The following SPAG16 variants were observed in gnomAD, a reference collection of about 807,000 sequenced individuals.
The protein encoded by SPAG16 is sperm-associated antigen 16 protein.
In SPAG16, 86 loss-of-function variants were observed where a neutral mutation model predicts 80.4. The ratio of observed to expected loss-of-function variants is 1.07; its 90% CI spans 0.90 to 1.28. The LOEUF (loss-of-function observed/expected upper bound fraction) is 1.28. SPAG16 is among the 50% of genes most tolerant of loss of function. The probability of loss-of-function intolerance (pLI) is 0.00; values close to 1 mark genes in which losing one functional copy is unlikely to be tolerated. For missense variants in SPAG16, 870 were observed against 765.3 expected (o/e 1.14, Z -1.61); for synonymous variants, 294 against 265.9 (o/e 1.11, Z -1.03).
At chr2:213,422,788 ATTAGCCCTGT>A (rs1352187132) in intron 9 of SPAG16, among the ~76,000 whole-genome samples, 1 of 152,228 alleles carries the variant, frequency 6.6e-6, no homozygotes, top group African/African-American at 2.4e-5. Context: ...TAGATGAAGG[ATTAGCCCTGT>A]TGCTACCATT....
chr2:213,435,941 A>G (rs1352333139), intron 9 of SPAG16, among the ~76,000 whole-genome samples: 1 of 152,182 alleles, frequency 6.6e-6, no homozygotes, highest in Non-Finnish European at 1.5e-5. Flanking sequence ...GAACTAGTTC[A>G]TGTTTCATTT....
At chr2:213,528,324 G>C (rs1559223371) in intron 10 of SPAG16, among the ~76,000 whole-genome samples, 1 of 152,098 alleles carries the variant, frequency 6.6e-6, no homozygotes, top group Non-Finnish European at 1.5e-5. Flanking sequence ...GGTAAGAATT[G>C]AGTAAAGTTT....
At chr2:213,508,755 C>T (rs1575784841) in intron 10 of SPAG16, among the ~76,000 whole-genome samples, 1 of 150,848 alleles carries the variant, frequency 6.6e-6, no homozygotes, top group East Asian at 2.0e-4. Context: ...CATCACATAC[C>T]GGGGCCTGTT....
At chr2:213,587,561 C>T (rs774911415) in intron 10 of SPAG16, among the ~76,000 whole-genome samples, 1 of 152,168 alleles carries the variant, frequency 6.6e-6, no homozygotes. Context: ...TTTCATTGTC[C>T]TGATGAATAG....
intron 11 of SPAG16, among the ~76,000 whole-genome samples, chr2:213,929,348 G>GTCC (rs143394576): frequency 0.038 from 5,803 of 152,036 alleles, 140 homozygotes; most frequent in African/African-American, 0.055. Context: ...TAGCTTTTGT[G>GTCC]TCCACCACTT....
chr2:213,464,834 C>T (rs113572374), intron 9 of SPAG16, among the ~76,000 whole-genome samples: 1 of 152,164 alleles, frequency 6.6e-6, no homozygotes, highest in African/African-American at 2.4e-5. Flanking sequence ...AAGAACTTTC[C>T]ATTGGCTGGA....
At chr2:213,426,475 T>C (rs1303588416) in intron 9 of SPAG16, among the ~76,000 whole-genome samples, 1 of 151,680 alleles carries the variant, frequency 6.6e-6, no homozygotes, top group Non-Finnish European at 1.5e-5. Context: ...AATCTAATGA[T>C]TCTTTTTTCC....
intron 10 of SPAG16, among the ~76,000 whole-genome samples, chr2:213,525,262 C>G (rs902342233): frequency 6.8e-6 from 1 of 147,844 alleles, no homozygotes; most frequent in Non-Finnish European, 1.5e-5. Context: ...AACTGTAAAT[C>G]AATTAAACCT....
At position 213,487,080 on chromosome 2, in the gene SPAG16, T is replaced by C. The variant is rs564354613; in HGVS notation, c.943-2883T>C. Among the ~76,000 whole-genome samples the C allele has an allele frequency of 6.4e-4, 98 of 152,186 alleles. No individual in the cohort carries two copies. The South Asian group carries it at 0.019, about 30-fold the overall frequency. ...AATAGCTTGCCTAAGTTCACACTTA[T>C]ATGTGGTGGAGCTGAGTTGCTAAGG... On this transcript the variant is annotated intron_variant, in intron 9 of 15. Coordinates refer to ENST00000331683, the MANE Select transcript of SPAG16 (RefSeq NM_024532.5).
chr2:214,077,986 G>C (rs904840372), intron 13 of SPAG16, among the ~76,000 whole-genome samples: 3 of 152,166 alleles, frequency 2.0e-5, no homozygotes, highest in African/African-American at 7.2e-5. Flanking sequence ...CATCTCTTAA[G>C]TAAAGCGTTT....
intron 10 of SPAG16, among the ~76,000 whole-genome samples, chr2:213,849,486 A>G (rs1393453292): frequency 3.3e-5 from 5 of 152,200 alleles, no homozygotes; most frequent in African/African-American, 7.2e-5. Context: ...AAAAATTAAT[A>G]TTGGCTTTCT....
chr2:213,571,955 C>G (rs1389953309), intron 10 of SPAG16, among the ~76,000 whole-genome samples: 4 of 131,776 alleles, frequency 3.0e-5, no homozygotes, highest in Non-Finnish European at 6.2e-5. Flanking sequence ...TCTTTTTTCT[C>G]TAAACTTCCC....
chr2:213,778,236 A>G lies in SPAG16; in HGVS notation c.1071-84249A>G, dbSNP rs186956259. On this transcript the variant is annotated intron_variant, in intron 10 of 15. Coordinates refer to ENST00000331683, the MANE Select transcript of SPAG16 (RefSeq NM_024532.5). ...GTTGCTTAACATCTTTAATTAGTCT[A>G]TCTGAATTCTTAGTTTAACATATAT... Among the ~76,000 whole-genome samples, 140 of 152,192 alleles carry G rather than the reference A, an allele frequency of 9.2e-4. 1 individual carries two copies. The highest frequency in any genetic ancestry group is 1.4e-3 in the Non-Finnish European group (97 of 68,006).
At chr2:214,049,423 T>G (rs1336347810) in intron 13 of SPAG16, among the ~76,000 whole-genome samples, 1 of 152,146 alleles carries the variant, frequency 6.6e-6, no homozygotes. Context: ...TCTTGAGCTT[T>G]CTTTCAGAAG....
intron 15 of SPAG16, among the ~76,000 whole-genome samples, chr2:214,149,586 G>A (rs758369307): frequency 2.6e-5 from 4 of 152,048 alleles, no homozygotes; most frequent in Admixed American, 6.6e-5. Context: ...AAGCAAATTC[G>A]ATTTTCTAAA....
At chr2:214,314,249 T>C (rs1050713923) in intron 15 of SPAG16, among the ~76,000 whole-genome samples, 1 of 152,186 alleles carries the variant, frequency 6.6e-6, no homozygotes, top group African/African-American at 2.4e-5. Context: ...TAACATATTT[T>C]TTCATAAGTT....
At chr2:213,774,118 C>A (rs897460161) in intron 10 of SPAG16, among the ~76,000 whole-genome samples, 4 of 152,026 alleles carry the variant, frequency 2.6e-5, no homozygotes, top group Admixed American at 1.3e-4. Flanking sequence ...TTAGATAATT[C>A]TAATATCTGG....
At chr2:213,863,952 T>G (rs954089691) in intron 11 of SPAG16, among the ~76,000 whole-genome samples, 1 of 152,204 alleles carries the variant, frequency 6.6e-6, no homozygotes, top group African/African-American at 2.4e-5. Context: ...CTATACTGTT[T>G]GCTTTTTTTC....
At chr2:214,181,589 T>G (rs910134549) in intron 15 of SPAG16, among the ~76,000 whole-genome samples, 1 of 151,828 alleles carries the variant, frequency 6.6e-6, no homozygotes, top group African/African-American at 2.4e-5. Context: ...GGTGCAAGCT[T>G]TGCTAGAGGC....
Sources: allele counts gnomAD v4.1 joint callset (sites outside exome capture counted in the v4.1 genomes callset), GRCh38; gene constraint gnomAD v4.1.1; transcripts MANE v1.5; gene names NCBI Gene and HGNC (gene_info 2026-07-23, HGNC 2026-07-21).